Variants in GFM2 observed in about 807,000 individuals in gnomAD.
The protein encoded by GFM2 is ribosome-releasing factor 2, mitochondrial.
In GFM2, 72 loss-of-function variants were observed where a neutral mutation model predicts 95.4. The ratio of observed to expected loss-of-function variants is 0.76; its 90% CI spans 0.62 to 0.92. The LOEUF is 0.92. Ranked by LOEUF, GFM2 falls within the 40% of genes least tolerant of loss-of-function variation. GFM2 has a pLI of 0.00. For missense variants in GFM2, 825 were observed against 924.1 expected (o/e 0.89, Z 1.39); for synonymous variants, 276 against 317.5 (o/e 0.87, Z 1.39).
intron 16 of GFM2, among the ~76,000 whole-genome samples, chr5:74,732,656 C>G (rs1742630935): frequency 6.6e-6 from 1 of 152,054 alleles, no homozygotes; most frequent in African/African-American, 2.4e-5. Flanking sequence ...TCAAAAGCAC[C>G]TTCCAATCCT....
intron 5 of GFM2, among the ~76,000 whole-genome samples, chr5:74,754,953 G>A (rs948409068): frequency 1.3e-4 from 19 of 151,896 alleles, no homozygotes; most frequent in Admixed American, 3.9e-4. Flanking sequence ...AAAATTAGCC[G>A]GGCATGATGG....
At chr5:74,766,197 T>C (rs539724881) in intron 1 of GFM2, among the ~76,000 whole-genome samples, 3 of 151,278 alleles carry the variant, frequency 2.0e-5, no homozygotes, top group South Asian at 4.2e-4. Flanking sequence ...CTCGCTACTT[T>C]TGAGGCTGAG....
chr5:74,731,912 C>CTT (rs754165810), intron 16 of GFM2, among the ~76,000 whole-genome samples: 2 of 132,690 alleles, frequency 1.5e-5, no homozygotes, highest in Non-Finnish European at 3.3e-5. Context: ...GTATTATTTG[C>CTT]TTTTTTTTTT....
intron 1 of GFM2, chr5:74,765,136 T>A: frequency 8.2e-7 from 1 of 1,216,948 alleles, no homozygotes; most frequent in South Asian, 1.5e-5. Context: ...GGCCTCATAG[T>A]CTCTCCACAG....
chr5:74,756,119 T>A (rs527912879), intron 5 of GFM2, among the ~76,000 whole-genome samples: 1 of 152,242 alleles, frequency 6.6e-6, no homozygotes, highest in Admixed American at 6.5e-5. Flanking sequence ...CACATGATCA[T>A]CTCAATAGAC....
chr5:74,722,025 C>CAA (rs1410669185), intron 20 of GFM2, among the ~76,000 whole-genome samples: 1 of 152,156 alleles, frequency 6.6e-6, no homozygotes. Flanking sequence ...GCTTTGCCGG[C>CAA]AACCCAGGTG....
chr5:74,746,374 A>C (rs1579999626), intron 8 of GFM2, among the ~76,000 whole-genome samples: 1 of 152,230 alleles, frequency 6.6e-6, no homozygotes, highest in Admixed American at 6.5e-5. Context: ...ATCAGTAATT[A>C]CCCTAATCCA....
chr5:74,760,963 T>A lies in GFM2; in HGVS notation c.87A>T (p.Arg29Ser), dbSNP rs745476916. Residue 29 changes from arginine (R) to serine (S), a missense_variant, in exon 3 of 21, where the codon AGA (arginine) becomes AGT (serine). Physicochemically the swap from Arg to Ser is moderately radical, Grantham distance 110. Coordinates refer to ENST00000296805, the MANE Select transcript of GFM2 (RefSeq NM_032380.5). ...GTGGCTTTAATCTTTTTAAACTTGC[T>A]CTTATTTTATAGCAGCATATATTCT... is the stretch of plus-strand genomic sequence containing the variant. Reference protein sequence around the residue: ...YINNICCYKIRASLKRLKPHV... With the variant: ...YINNICCYKISASLKRLKPHV... The A allele has an allele frequency of 6.2e-7, 1 of 1,606,418 alleles. No individual in the cohort carries two copies. Among genetic ancestry groups the A allele is most frequent in the Admixed American group, 1.7e-5 (1 of 59,786 alleles).
intron 5 of GFM2, among the ~76,000 whole-genome samples, chr5:74,754,946 A>C (rs1743904705): frequency 1.3e-5 from 2 of 152,028 alleles, no homozygotes; most frequent in East Asian, 1.9e-4. Flanking sequence ...AAATACAAAA[A>C]TTAGCCGGGC....
chr5:74,756,667 A>G (rs895053674), intron 5 of GFM2, among the ~76,000 whole-genome samples: 5 of 149,732 alleles, frequency 3.3e-5, no homozygotes, highest in East Asian at 2.0e-4. Context: ...GTGTGTGTGT[A>G]TATATATATA....
chr5:74,754,447 T>C (rs895601591), intron 5 of GFM2, among the ~76,000 whole-genome samples: 1 of 152,118 alleles, frequency 6.6e-6, no homozygotes, highest in Non-Finnish European at 1.5e-5. Flanking sequence ...GTTCACCAAG[T>C]ACCTGCTGTC....
intron 15 of GFM2, among the ~76,000 whole-genome samples, chr5:74,735,047 CTTTG>C (rs1418729469): frequency 1.3e-5 from 2 of 152,270 alleles, no homozygotes; most frequent in Non-Finnish European, 2.9e-5. Flanking sequence ...CCATGGGTTA[CTTTG>C]TTTGGGCAGC....
At chr5:74,739,789 TA>T (rs1001791166) in intron 12 of GFM2, among the ~76,000 whole-genome samples, 199 bp downstream of exon 12, 36 of 152,300 alleles carry the variant, frequency 2.4e-4, no homozygotes, top group Admixed American at 6.5e-4. Flanking sequence ...CTCTTAGCTC[TA>T]TGTGTAAGAC....
intron 19 of GFM2, among the ~76,000 whole-genome samples, chr5:74,723,721 A>T (rs151111847): frequency 6.6e-6 from 1 of 152,208 alleles, no homozygotes; most frequent in Non-Finnish European, 1.5e-5. Flanking sequence ...CCCTGCCTTC[A>T]TCTGGTACTA....
intron 15 of GFM2, chr5:74,733,335 G>GAAAAAAAAA (rs59571482): frequency 5.3e-6 from 1 of 187,130 alleles, no homozygotes; most frequent in Non-Finnish European, 1.1e-5. Context: ...TACAAAAAAA[G>GAAAAAAAAA]AAAAAAAAAA....
chr5:74,760,091 A>C (rs1744197940), intron 3 of GFM2, among the ~76,000 whole-genome samples: 1 of 152,200 alleles, frequency 6.6e-6, no homozygotes, highest in African/African-American at 2.4e-5. Flanking sequence ...TTACATTTGT[A>C]AATTTAATTA....
intron 16 of GFM2, among the ~76,000 whole-genome samples, chr5:74,732,692 C>G (rs947549258): frequency 1.3e-5 from 2 of 152,064 alleles, no homozygotes; most frequent in East Asian, 3.9e-4. Context: ...CTTTTATAAG[C>G]CTTAACGTAA....
chr5:74,745,907 C>G, intron 9 of GFM2, 50 bp from the exon 10 acceptor site: 1 of 1,439,024 alleles, frequency 6.9e-7, no homozygotes, highest in South Asian at 1.2e-5. Context: ...TCACTGAAAA[C>G]TACAATGATG....
intron 8 of GFM2, among the ~76,000 whole-genome samples, chr5:74,747,212 G>T (rs766849265): frequency 6.6e-6 from 1 of 152,134 alleles, no homozygotes; most frequent in Non-Finnish European, 1.5e-5. Flanking sequence ...CTACATGCAG[G>T]TCTTACAGCA....
Sources: gnomAD v4.1 joint callset for allele counts (sites outside exome capture counted in the v4.1 genomes callset) on GRCh38, gnomAD v4.1.1 for gene constraint, MANE v1.5 for transcripts, NCBI Gene and HGNC (gene_info 2026-07-23, HGNC 2026-07-21) for gene names.